The following C7orf33 variants were observed in gnomAD, a reference collection of about 807,000 sequenced individuals.
The protein encoded by C7orf33 is uncharacterized protein C7orf33.
A neutral mutation model predicts 13.4 loss-of-function variants in C7orf33; 15 were observed. That is an observed-to-expected ratio of 1.12 (90% CI 0.75 to 1.72). C7orf33 has a LOEUF of 1.72. Among genes scored for constraint, C7orf33 ranks in the 40% most tolerant of loss-of-function variants. C7orf33 has a pLI of 0.00. For synonymous variants in C7orf33, 73 were observed against 83.2 expected, an observed-to-expected ratio of 0.88 and a Z score of 0.67; for missense variants, 187 against 220.3, an observed-to-expected ratio of 0.85 and a Z score of 0.96.
At chr7:148,613,834 G>A (rs6965357) in intron 1 of C7orf33, among the ~76,000 whole-genome samples, 88,290 of 152,014 alleles carry the variant, frequency 0.58, 26,121 homozygotes, top group African/African-American at 0.67. Context: ...AATTAAAATG[G>A]TGTGTTTTAA....
At chr7:148,594,697 G>A (rs1467138652) in intron 1 of C7orf33, among the ~76,000 whole-genome samples, 1 of 152,106 alleles carries the variant, frequency 6.6e-6, no homozygotes, top group Non-Finnish European at 1.5e-5. Context: ...AGGGAAATGT[G>A]AAACCAAATG....
At chr7:148,594,368 G>C (rs1448744260) in intron 1 of C7orf33, among the ~76,000 whole-genome samples, 1 of 151,942 alleles carries the variant, frequency 6.6e-6, no homozygotes, top group Non-Finnish European at 1.5e-5. Flanking sequence ...AGTAGAGACG[G>C]GGTTTCACCA....
rs376752947 is a variant in C7orf33 at position 148,590,892 on chromosome 7, A to C, written c.-34A>C. 6.6e-5 allele frequency: 106 copies of C among 1,599,220 alleles called. No homozygotes were observed. The highest frequency in any genetic ancestry group is 1.7e-5 in the Admixed American group (1 of 59,950). On this transcript the variant is annotated 5_prime_UTR_variant, in exon 1 of 3. Coordinates refer to ENST00000307003, the MANE Select transcript of C7orf33 (RefSeq NM_145304.4). Reference sequence around the variant, plus strand: ...TGGTGGTGAAGCGCCGCTCTCCTTGACAGCATCCAGGAAAGGTAATTACCT... The same window carrying C: ...TGGTGGTGAAGCGCCGCTCTCCTTGCCAGCATCCAGGAAAGGTAATTACCT...
chr7:148,604,612 C>T (rs1796453288), intron 1 of C7orf33, among the ~76,000 whole-genome samples: 1 of 152,072 alleles, frequency 6.6e-6, no homozygotes, highest in South Asian at 2.1e-4. Context: ...TACAGTGTAC[C>T]CTGCTCAGGT....
intron 1 of C7orf33, among the ~76,000 whole-genome samples, chr7:148,592,793 G>A (rs1382598917): frequency 6.6e-6 from 1 of 152,080 alleles, no homozygotes; most frequent in Non-Finnish European, 1.5e-5. Context: ...GGGATTTCAC[G>A]TGGAAGCCAC....
chr7:148,594,387 A>G (rs990356409), intron 1 of C7orf33, among the ~76,000 whole-genome samples: 8 of 152,066 alleles, frequency 5.3e-5, no homozygotes, highest in East Asian at 1.9e-4. Context: ...CATGTTAGCC[A>G]GGATGGTCTC....
intron 1 of C7orf33, among the ~76,000 whole-genome samples, chr7:148,599,147 G>C (rs536705354): frequency 9.2e-5 from 14 of 152,178 alleles, no homozygotes; most frequent in African/African-American, 3.4e-4. Context: ...ACAGGTATGA[G>C]CCACTGCCCC....
intron 1 of C7orf33, among the ~76,000 whole-genome samples, chr7:148,593,419 C>T (rs1407421745): frequency 6.6e-6 from 1 of 152,040 alleles, no homozygotes; most frequent in Non-Finnish European, 1.5e-5. Flanking sequence ...CCTGCCACCA[C>T]TCCCAGCTAA....
At position 148,595,750 on chromosome 7, in the gene C7orf33, A is replaced by AAT. The variant is rs200865207; in HGVS notation, c.204+4634_204+4635dup. On this transcript the variant is annotated intron_variant, in intron 1 of 2. Transcript: ENST00000307003. ...ATATACATCTATGTTATATAGATAT[A>AAT]ATATATATATATATCTATATCTCAA... is the stretch of plus-strand genomic sequence containing the variant. Among the ~76,000 whole-genome samples the AAT allele has an allele frequency of 7.7e-3, 1,069 of 138,818 alleles. 38 individuals are homozygous for AAT. Among genetic ancestry groups the AAT allele is most frequent in the African/African-American group, 0.028 (982 of 35,706 alleles). 91.1% of individuals were successfully genotyped at this position (138,818 alleles called of 152,430 possible).
At chr7:148,595,805 C>T (rs1265933424) in intron 1 of C7orf33, among the ~76,000 whole-genome samples, 1 of 147,390 alleles carries the variant, frequency 6.8e-6, no homozygotes, top group African/African-American at 2.5e-5. Flanking sequence ...CTGCTTGCTT[C>T]TTTTAACCTA....
chr7:148,609,132 A>G (rs1288680315), intron 1 of C7orf33, among the ~76,000 whole-genome samples: 2 of 151,086 alleles, frequency 1.3e-5, no homozygotes, highest in South Asian at 4.2e-4. Flanking sequence ...ATCAGGCCCA[A>G]TGTAATGGAG....
At chr7:148,596,985 T>G (rs776057982) in intron 1 of C7orf33, among the ~76,000 whole-genome samples, 5 of 152,194 alleles carry the variant, frequency 3.3e-5, no homozygotes, top group Admixed American at 6.5e-5. Flanking sequence ...TTTCCATGAC[T>G]TGATAGCCCA....
intron 1 of C7orf33, among the ~76,000 whole-genome samples, chr7:148,593,454 G>T: frequency 6.6e-6 from 1 of 150,986 alleles, no homozygotes; most frequent in East Asian, 2.0e-4. Flanking sequence ...TAGTAGAGTC[G>T]AGGTTTCACC....
intron 1 of C7orf33, among the ~76,000 whole-genome samples, chr7:148,602,564 C>T (rs1796428754): frequency 6.6e-6 from 1 of 152,122 alleles, no homozygotes; most frequent in Admixed American, 6.5e-5. Context: ...TGCCACTGCA[C>T]TTCAGCCTAG....
chr7:148,595,444 A>T (rs13222868), intron 1 of C7orf33, among the ~76,000 whole-genome samples: 1 of 129,150 alleles, frequency 7.7e-6, no homozygotes, highest in East Asian at 2.1e-4. Context: ...TATAATATAG[A>T]TATATATTAT....
chr7:148,593,424 A>G (rs1796291494), intron 1 of C7orf33, among the ~76,000 whole-genome samples: 1 of 151,794 alleles, frequency 6.6e-6, no homozygotes, highest in Admixed American at 6.6e-5. Context: ...CACCACTCCC[A>G]GCTAATTTTT....
intron 1 of C7orf33, among the ~76,000 whole-genome samples, chr7:148,603,018 C>T (rs1337802394): frequency 1.3e-5 from 2 of 152,060 alleles, no homozygotes; most frequent in East Asian, 1.9e-4. Flanking sequence ...GAAACCATCC[C>T]AAAAAGCCTG....
intron 1 of C7orf33, among the ~76,000 whole-genome samples, chr7:148,592,394 A>T (rs1796280455): frequency 6.6e-6 from 1 of 152,244 alleles, no homozygotes; most frequent in Admixed American, 6.5e-5. Context: ...TGAATGATGA[A>T]TATAAATGAT....
rs775386548 is a variant in C7orf33 at position 148,591,025 on chromosome 7, C to T, written c.100C>T (p.Arg34Cys). The change falls in exon 1 of 3, where the codon CGC becomes TGC. Residue 34 changes from arginine (R) to cysteine (C), a missense_variant. Coordinates refer to ENST00000307003, the MANE Select transcript of C7orf33 (RefSeq NM_145304.4). ...AGCCCTCCTGCCCAGTGGGGCAAGG[C>T]GCCGGATTGACCTTCGCCTGAGTGG... Reference protein sequence around the residue: ...CEALLPSGARRRIDLRLSGRA... With the variant: ...CEALLPSGARCRIDLRLSGRA... 4.0e-5 allele frequency: 64 copies of T among 1,614,024 alleles called. No homozygotes were observed. Among genetic ancestry groups the T allele is most frequent in the African/African-American group, 5.3e-5 (4 of 74,934 alleles).
Sources: gnomAD v4.1 joint callset for allele counts (sites outside exome capture counted in the v4.1 genomes callset) on GRCh38, gnomAD v4.1.1 for gene constraint, MANE v1.5 for transcripts, NCBI Gene and HGNC (gene_info 2026-07-23, HGNC 2026-07-21) for gene names.